The following CCDC157 variants were observed in gnomAD, a reference collection of about 807,000 sequenced individuals.
CCDC157 encodes the protein coiled-coil domain containing 157.
CCDC157 carries 60 observed loss-of-function variants against 70.9 expected under a neutral mutation model. That is an observed-to-expected ratio of 0.85 (90% CI 0.69 to 1.05). The LOEUF (loss-of-function observed/expected upper bound fraction) is 1.05. Among genes scored for constraint, CCDC157 ranks in the 50% least tolerant of loss-of-function variants. CCDC157 has a pLI of 0.00. For synonymous variants in CCDC157, 373 were observed against 422.4 expected (o/e 0.88, Z 1.43); for missense variants, 943 against 984.2 (o/e 0.96, Z 0.56).
Position 30,370,453 on chromosome 22 carries a change from C to A in CCDC157, c.548C>A (p.Thr183Asn), listed in dbSNP as rs1216856741. 3 of 1,614,166 alleles carry A rather than the reference C, an allele frequency of 1.9e-6. No individual in the cohort carries two copies. Among genetic ancestry groups the A allele is most frequent in the Non-Finnish European group, 2.5e-6 (3 of 1,180,054 alleles). Residue 183 changes from threonine (T) to asparagine (N), a missense_variant, in exon 5 of 12, where the codon ACC becomes AAC. Coordinates refer to ENST00000338306, the MANE Select transcript of CCDC157 (RefSeq NM_001017437.5). ...TCCCCAGTGCTAGGCTTGCCCCAGA[C>A]CTGCCAAGAGCCAGAGAGCATCCCT... ...PSSPVLGLPQ[T>N]CQEPESIPVR...
chr22:30,374,706 G>T, intron 9 of CCDC157: 1 of 456,632 alleles, frequency 2.2e-6, no homozygotes, highest in East Asian at 6.9e-5. Flanking sequence ...TGTGAGGCAG[G>T]TCATAGCCCC....
In CCDC157 at chr22:30,372,143, CTGGAGGAGCAGGTGCAGCAGT is replaced by C. The variant is rs745615684; in HGVS notation, c.1199_1219del (p.Glu400_Glu406del). 2.1e-5 allele frequency: 32 copies of C among 1,557,000 alleles called. No individual in the cohort carries two copies. Among genetic ancestry groups the C allele is most frequent in the Admixed American group, 7.8e-5 (4 of 51,200 alleles). Reference sequence around the variant, plus strand: ...GGCAGCGGAGAGGCAGGTGCAGCAGCTGGAGGAGCAGGTGCAGCAGTTGGAGGCGCAGGTGCAGCTGTTGGT... The same window carrying C: ...GGCAGCGGAGAGGCAGGTGCAGCAGCTGGAGGCGCAGGTGCAGCTGTTGGT... On this transcript the variant is annotated inframe_deletion, in exon 7 of 12. Coordinates refer to ENST00000338306, the MANE Select transcript of CCDC157 (RefSeq NM_001017437.5).
At chr22:30,362,821 T>C (rs1237820464) in intron 2 of CCDC157, among the ~76,000 whole-genome samples, 1 of 152,098 alleles carries the variant, frequency 6.6e-6, no homozygotes, top group Non-Finnish European at 1.5e-5. Context: ...AGGAAATGCC[T>C]AGTCGAGGGC....
At chr22:30,363,909 T>C (rs1932535999) in intron 2 of CCDC157, among the ~76,000 whole-genome samples, 1 of 152,150 alleles carries the variant, frequency 6.6e-6, no homozygotes, top group Admixed American at 6.5e-5. Flanking sequence ...CTTGAACTCC[T>C]GACCTCAGGT....
In CCDC157 at chr22:30,378,242, AG is replaced by A; in HGVS notation, c.*1499del. On this transcript the variant is annotated 3_prime_UTR_variant, in exon 12 of 12. Transcript: ENST00000338306. ...CTACCAGCAGAAAACTACTTTGAAT[AG>A]GCTCATGTGGTTAGGGCAAGGCTCA... The A allele has an allele frequency of 2.2e-6, 1 of 462,948 alleles. No individual in the cohort carries two copies. Among genetic ancestry groups the A allele is most frequent in the South Asian group, 1.6e-5 (1 of 63,766 alleles). 28.7% of individuals were successfully genotyped at this position (462,948 alleles called of 1,614,324 possible).
At chr22:30,376,174 C>T (rs1933342166) in intron 10 of CCDC157, 85 bp from the exon 11 acceptor site, 13 of 1,300,426 alleles carry the variant, frequency 1.0e-5, no homozygotes, top group South Asian at 7.6e-5. Flanking sequence ...CTTCCCTCCC[C>T]ATCCCTGGCT....
chr22:30,375,207 T>C, intron 9 of CCDC157: 1 of 368,806 alleles, frequency 2.7e-6, no homozygotes, highest in Non-Finnish European at 5.0e-6. Context: ...TCCCCTGACC[T>C]GGGCCTCCCA....
At chr22:30,371,921 C>T in intron 6 of CCDC157, 154 bp from the exon 7 acceptor site, 1 of 740,936 alleles carries the variant, frequency 1.3e-6, no homozygotes, top group Admixed American at 2.8e-5. Flanking sequence ...AAAGCGCCTT[C>T]TATTTTCCAA....
At position 30,377,121 on chromosome 22, in the gene CCDC157, G is replaced by A. The variant is rs550956036; in HGVS notation, c.*376G>A. 2.9e-4 allele frequency: 77 copies of A among 268,722 alleles called. 1 individual carries two copies. In the South Asian group the frequency reaches 2.9e-3, roughly 10 times the overall value. The allele number at this position is 268,722 out of a possible 1,614,324, so 16.6% of individuals were successfully genotyped here. A position where few individuals can be genotyped will look rare whatever the true frequency, so the allele number is the denominator to read the frequency against. ...GGCTCAGTGGCCCGCACTGACTCAG[G>A]AAGGGGTCAGGTGGGAGTGGACAGA... On this transcript the variant is annotated 3_prime_UTR_variant, in exon 12 of 12. Transcript: ENST00000338306.
chr22:30,356,911 G>A (rs1931909421), upstream of CCDC157: 2 of 908,532 alleles, frequency 2.2e-6, no homozygotes, highest in Non-Finnish European at 2.9e-6. Flanking sequence ...CGAGCGAGTT[G>A]CGGCCGCGAA....
At chr22:30,368,492 G>A (rs1401450307) in intron 3 of CCDC157, among the ~76,000 whole-genome samples, 4 of 152,238 alleles carry the variant, frequency 2.6e-5, no homozygotes, top group African/African-American at 2.4e-5. Flanking sequence ...ACAGTCTCCC[G>A]CTGCGAGGGT....
At chr22:30,356,730 C>G, upstream of CCDC157, 1 of 1,492,648 alleles carries the variant, frequency 6.7e-7, no homozygotes, top group Non-Finnish European at 9.0e-7. Flanking sequence ...GGAGAGGTAC[C>G]TGTTTGGGCT....
Position 30,376,841 on chromosome 22 carries a change from C to G in CCDC157, c.*96C>G, listed in dbSNP as rs531068000. ...TTGGCCCACAGCAATCTTTGCCTCACAGTATGACTGAGCCAAGGAAAGAAC... is the reference window on the plus strand; with the variant it reads ...TTGGCCCACAGCAATCTTTGCCTCAGAGTATGACTGAGCCAAGGAAAGAAC... On this transcript the variant is annotated 3_prime_UTR_variant, in exon 12 of 12. Coordinates refer to ENST00000338306, the MANE Select transcript of CCDC157 (RefSeq NM_001017437.5). The G allele has an allele frequency of 8.0e-7, 1 of 1,251,246 alleles. No homozygotes were observed. Among genetic ancestry groups the G allele is most frequent in the African/African-American group, 1.5e-5 (1 of 67,132 alleles). The allele number at this position is 1,251,246 out of a possible 1,614,324, so 77.5% of individuals were successfully genotyped here.
At chr22:30,360,025 G>C (rs1932220482) in intron 1 of CCDC157, among the ~76,000 whole-genome samples, 1 of 152,184 alleles carries the variant, frequency 6.6e-6, no homozygotes, top group Non-Finnish European at 1.5e-5. Context: ...CCCACCTGTA[G>C]TCCTACCTAC....
At chr22:30,372,472 C>T in intron 7 of CCDC157, 186 bp downstream of exon 7, 1 of 818,860 alleles carries the variant, frequency 1.2e-6, no homozygotes, top group Non-Finnish European at 1.8e-6. Context: ...GAACAGTGAC[C>T]CAGGGACTGA....
intron 2 of CCDC157, among the ~76,000 whole-genome samples, chr22:30,362,423 G>T (rs896400882): frequency 2.6e-5 from 4 of 152,202 alleles, no homozygotes; most frequent in African/African-American, 9.6e-5. Context: ...TTGGCGGGGG[G>T]CCTGAGGGAG....
chr22:30,372,297 G>A lies in CCDC157; in HGVS notation c.1335+11G>A, dbSNP rs1933001994. On this transcript the variant is annotated intron_variant, in intron 7 of 11. Coordinates refer to ENST00000338306, the MANE Select transcript of CCDC157 (RefSeq NM_001017437.5). ...GTCCGCCACCAGGAGGTGAGGCCAG[G>A]GCCCTCGCTAGCCTGGGCATCTGCA... The A allele has an allele frequency of 1.3e-6, 2 of 1,537,192 alleles. No homozygotes were observed. The highest frequency in any genetic ancestry group is 1.7e-6 in the Non-Finnish European group (2 of 1,145,768).
rs1243542696 is a variant in CCDC157, at chr22:30,376,990, G to T, written c.*245G>T. On this transcript the variant is annotated 3_prime_UTR_variant, in exon 12 of 12. Coordinates refer to ENST00000338306, the MANE Select transcript of CCDC157 (RefSeq NM_001017437.5). ...CCTTCCTGCTTCCCTCCCGACAGAG[G>T]CTGTGGGATAGGAGAGTACACCCAG... 1 of 580,486 alleles carries T rather than the reference G, an allele frequency of 1.7e-6. No individual in the cohort carries two copies. The highest frequency in any genetic ancestry group is 1.9e-5 in the African/African-American group (1 of 53,648). 36.0% of individuals were successfully genotyped at this position (580,486 alleles called of 1,614,324 possible).
At chr22:30,369,836 A>G (rs1932857105) in intron 4 of CCDC157, 1 of 469,778 alleles carries the variant, frequency 2.1e-6, no homozygotes, top group East Asian at 3.2e-5. Flanking sequence ...GGGACTTTGG[A>G]AAAATCTTGC....
Sources: gnomAD v4.1 joint callset for allele counts (sites outside exome capture counted in the v4.1 genomes callset) on GRCh38, gnomAD v4.1.1 for gene constraint, MANE v1.5 for transcripts, NCBI Gene and HGNC (gene_info 2026-07-23, HGNC 2026-07-21) for gene names.